Variants in HELLS observed in about 807,000 individuals in gnomAD.
HELLS encodes the protein lymphoid-specific helicase.
HELLS carries 32 observed loss-of-function variants against 120.0 expected under a neutral mutation model. That is an observed-to-expected ratio of 0.27 (90% CI 0.20 to 0.36). HELLS has a LOEUF of 0.36. Ranked by LOEUF, HELLS falls within the 10% of genes least tolerant of loss-of-function variation. The pLI is 1.00. For synonymous variants in HELLS, 341 were observed against 323.4 expected, an observed-to-expected ratio of 1.05 and a Z score of -0.58; for missense variants, 650 against 993.4, an observed-to-expected ratio of 0.65 and a Z score of 4.65.
At chr10:94,565,278 T>G (rs190966704) in intron 6 of HELLS, among the ~76,000 whole-genome samples, 1 of 152,168 alleles carries the variant, frequency 6.6e-6, no homozygotes, top group East Asian at 1.9e-4. Context: ...GAGGTTGCAG[T>G]GAGCTGAGAT....
At chr10:94,551,825 T>C (rs1423340310) in intron 2 of HELLS, among the ~76,000 whole-genome samples, 1 of 151,696 alleles carries the variant, frequency 6.6e-6, no homozygotes, top group Non-Finnish European at 1.5e-5. Context: ...CTGCAAGCTC[T>C]GCCTTCCGGG....
chr10:94,573,246 C>T (rs1380172983), intron 7 of HELLS, among the ~76,000 whole-genome samples: 2 of 152,194 alleles, frequency 1.3e-5, no homozygotes, highest in Non-Finnish European at 2.9e-5. Context: ...GCGTGAGCCA[C>T]CATGCCCGGC....
At chr10:94,594,627 T>C (rs770037292) in intron 18 of HELLS, 68 bp from the exon 19 acceptor site, 312 of 1,197,042 alleles carry the variant, frequency 2.6e-4, no homozygotes, top group Non-Finnish European at 3.3e-4. Context: ...ATGTTGACTT[T>C]ATCCACATGA....
At chr10:94,572,255 T>G (rs553551400) in intron 7 of HELLS, among the ~76,000 whole-genome samples, 1 of 142,980 alleles carries the variant, frequency 7.0e-6, no homozygotes, top group East Asian at 2.4e-4. Flanking sequence ...GGATTTTGGC[T>G]TCATTTTATA....
At chr10:94,551,097 A>G (rs1842961463) in intron 2 of HELLS, 1 of 152,200 alleles carries the variant, frequency 6.6e-6, no homozygotes, top group Admixed American at 6.5e-5. Context: ...GGTAATAGTA[A>G]AAGAAATTCT....
chr10:94,554,152 G>T lies in HELLS; in HGVS notation c.180G>T (p.Ser60=), dbSNP rs773349110. The change falls in exon 3 of 22, where the codon TCG becomes TCT. Residue 60 remains serine (S), a synonymous_variant. Transcript: ENST00000348459. ...EKARMSWDRE[S]TEIRYRRLQH... is the part of the protein sequence containing the mutation. Reference sequence around the variant, plus strand: ...CTCGCATGTCTTGGGATAGAGAGTCGACAGAAATTCGGTACCGTAGACTTC... The same window carrying T: ...CTCGCATGTCTTGGGATAGAGAGTCTACAGAAATTCGGTACCGTAGACTTC... The T allele has an allele frequency of 5.1e-6, 8 of 1,563,578 alleles. No individual in the cohort carries two copies. Among genetic ancestry groups the T allele is most frequent in the Non-Finnish European group, 6.9e-6 (8 of 1,158,764 alleles).
rs1846052611 is a variant in HELLS, at chr10:94,601,921, T to C, written c.*299T>C. On this transcript the variant is annotated 3_prime_UTR_variant, in exon 22 of 22. Transcript: ENST00000348459. ...AGTCTTCCTGTGGAAGTTTAGTAAA[T>C]GTCTTTTTCCCTCCTTTCTTCTAGT... 1 of 180,134 alleles carries C rather than the reference T, an allele frequency of 5.6e-6. No individual in the cohort carries two copies. Among genetic ancestry groups the C allele is most frequent in the Non-Finnish European group, 1.2e-5 (1 of 86,500 alleles). 11.2% of individuals were successfully genotyped at this position (180,134 alleles called of 1,614,324 possible). A position where few individuals can be genotyped will look rare whatever the true frequency, so the allele number is the denominator to read the frequency against.
chr10:94,581,701 A>C (rs904873936), intron 11 of HELLS, among the ~76,000 whole-genome samples, 179 bp downstream of exon 11: 1 of 152,216 alleles, frequency 6.6e-6, no homozygotes, highest in Non-Finnish European at 1.5e-5. Context: ...AGATTATTTA[A>C]AACTTACTTG....
intron 6 of HELLS, among the ~76,000 whole-genome samples, chr10:94,568,208 CTTT>C (rs777198935): frequency 1.4e-5 from 2 of 139,154 alleles, no homozygotes; most frequent in African/African-American, 2.6e-5. Context: ...GCGCCTGGCC[CTTT>C]TTTTTTTTTT....
At chr10:94,575,763 G>T (rs1313447702) in intron 9 of HELLS, among the ~76,000 whole-genome samples, 1 of 93,764 alleles carries the variant, frequency 1.1e-5, no homozygotes, top group African/African-American at 4.4e-5. Context: ...TTGGGGGGGG[G>T]GTTGTGTTTG....
At chr10:94,583,091 T>C in intron 12 of HELLS, 32 bp downstream of exon 12, 1 of 1,258,766 alleles carries the variant, frequency 7.9e-7, no homozygotes, top group South Asian at 1.3e-5. Flanking sequence ...TGCTTAACCA[T>C]AGGCTCGATA....
intron 3 of HELLS, among the ~76,000 whole-genome samples, chr10:94,555,999 G>A (rs1206187819): frequency 6.6e-6 from 1 of 152,142 alleles, no homozygotes; most frequent in Non-Finnish European, 1.5e-5. Context: ...TAGCAAATTA[G>A]TCAAACCCAA....
chr10:94,612,927 A>G (rs1442145188), exon 10 of HELLS: 3 of 152,202 alleles, frequency 2.0e-5, no homozygotes, highest in African/African-American at 7.2e-5. Context: ...CTCAAAAAAT[A>G]AAGGTGTACA....
chr10:94,565,054 G>A, intron 6 of HELLS, among the ~76,000 whole-genome samples: 1 of 152,100 alleles, frequency 6.6e-6, no homozygotes, highest in South Asian at 2.1e-4. Context: ...AATCGTCAGG[G>A]GGCCGGGAGC....
At chr10:94,556,770 A>C (rs1356767795) in intron 3 of HELLS, among the ~76,000 whole-genome samples, 5 of 151,924 alleles carry the variant, frequency 3.3e-5, no homozygotes, top group Non-Finnish European at 7.4e-5. Flanking sequence ...TGGGTAAAGA[A>C]TTTTTTTTCT....
chr10:94,576,754 T>G lies in HELLS; in HGVS notation c.981T>G (p.Pro327=). Residue 327 remains proline, a synonymous_variant, in exon 10 of 22, where the codon CCT becomes CCG. Transcript: ENST00000348459. ...GGAAAGGGACTTTGCAGATTCATCC[T>G]GTGGTAATCACGTCATTTGAAATAG... ...YKRKGTLQIH[P]VVITSFEIAM... is the part of the protein sequence containing the mutation. 1 of 1,611,654 alleles carries G rather than the reference T, an allele frequency of 6.2e-7. No individual in the cohort carries two copies. Among genetic ancestry groups the G allele is most frequent in the African/African-American group, 1.3e-5 (1 of 74,996 alleles).
chr10:94,593,904 G>A (rs868279995), intron 18 of HELLS, among the ~76,000 whole-genome samples: 75 of 150,878 alleles, frequency 5.0e-4, no homozygotes, highest in Middle Eastern at 6.9e-3. Flanking sequence ...CAGGTGATCC[G>A]CCCACCTCGG....
At chr10:94,569,067 T>A (rs1843989603) in intron 6 of HELLS, 1 of 152,190 alleles carries the variant, frequency 6.6e-6, no homozygotes, top group Admixed American at 6.5e-5. Context: ...CTTGAACTCC[T>A]GACCTCAGGT....
At chr10:94,552,510 T>A (rs561780191) in intron 2 of HELLS, among the ~76,000 whole-genome samples, 1 of 152,392 alleles carries the variant, frequency 6.6e-6, no homozygotes, top group South Asian at 2.1e-4. Flanking sequence ...GATAGTACTG[T>A]ACAGTTTACT....
Sources: gnomAD v4.1 joint callset for allele counts (sites outside exome capture counted in the v4.1 genomes callset) on GRCh38, gnomAD v4.1.1 for gene constraint, MANE v1.5 for transcripts, NCBI Gene and HGNC (gene_info 2026-07-23, HGNC 2026-07-21) for gene names.